Variants in PTN observed in about 807,000 individuals in gnomAD.
The protein encoded by PTN is pleiotrophin.
Under a neutral mutation model 24.1 loss-of-function variants are expected in PTN, and 18 were observed. The observed-to-expected ratio is 0.75, with a 90% CI of 0.52 to 1.11. The LOEUF (loss-of-function observed/expected upper bound fraction) is 1.11, where lower values mean the gene tolerates loss of function less well. Among genes scored for constraint, PTN ranks in the 50% least tolerant of loss-of-function variants. The probability of loss-of-function intolerance (pLI) is 0.00; values close to 1 mark genes in which losing one functional copy is unlikely to be tolerated. For synonymous variants in PTN, 78 were observed against 68.6 expected (o/e 1.14, Z -0.67); for missense variants, 163 against 198.8 (o/e 0.82, Z 1.08).
At chr7:137,253,709 C>T (rs1808869462) in intron 2 of PTN, 72 bp from the exon 3 acceptor site, 3 of 1,258,436 alleles carry the variant, frequency 2.4e-6, no homozygotes, top group East Asian at 5.5e-5. Context: ...CAAGTTCATT[C>T]CTGAGCACCT....
intron 1 of PTN, among the ~76,000 whole-genome samples, chr7:137,303,097 C>T (rs1040200138): frequency 3.3e-5 from 5 of 151,890 alleles, no homozygotes; most frequent in South Asian, 4.1e-4. Context: ...TTGTTGCTGT[C>T]GTAATGGAAT....
At chr7:137,317,880 A>C (rs759075611) in intron 1 of PTN, among the ~76,000 whole-genome samples, 7 of 152,136 alleles carry the variant, frequency 4.6e-5, no homozygotes, top group Non-Finnish European at 1.0e-4. Context: ...CAGGATGAGT[A>C]AGTACCCTGG....
chr7:137,233,494 G>T (rs1397026779), intron 4 of PTN, among the ~76,000 whole-genome samples: 1 of 151,768 alleles, frequency 6.6e-6, no homozygotes, highest in African/African-American at 2.4e-5. Context: ...TAGACGCTAG[G>T]GTATAAAGGT....
At chr7:137,335,472 CT>C (rs1810431657) in intron 1 of PTN, among the ~76,000 whole-genome samples, 1 of 152,152 alleles carries the variant, frequency 6.6e-6, no homozygotes. Flanking sequence ...GTTTTAGAAG[CT>C]TTTGCATATA....
chr7:137,248,652 C>T (rs1585011285), intron 4 of PTN, among the ~76,000 whole-genome samples: 1 of 152,202 alleles, frequency 6.6e-6, no homozygotes, highest in Non-Finnish European at 1.5e-5. Flanking sequence ...TGCCCTCCAG[C>T]ACGGGTGACA....
rs140252500 is a variant in PTN at position 137,294,578 on chromosome 7, G to T, written c.-1-39604C>A. 5.4e-3 allele frequency among the ~76,000 whole-genome samples: 825 copies of T among 152,192 alleles called. 7 individuals carry two copies. The highest frequency in any genetic ancestry group is 0.017 in the Middle Eastern group (5 of 294). On this transcript the variant is annotated intron_variant, in intron 1 of 4. Coordinates refer to ENST00000348225, the MANE Select transcript of PTN (RefSeq NM_002825.7). ...ACCAGGCCATCCCATGCCCCACCAAGAGAGTCTGGCCTGTTAGCAAGTTTC... is the reference window on the plus strand; with the variant it reads ...ACCAGGCCATCCCATGCCCCACCAATAGAGTCTGGCCTGTTAGCAAGTTTC...
At chr7:137,338,490 G>A (rs73455105) in intron 1 of PTN, among the ~76,000 whole-genome samples, 6,002 of 152,222 alleles carry the variant, frequency 0.039, 413 homozygotes, top group African/African-American at 0.14. Flanking sequence ...TAGACGTTGC[G>A]TACCATTTAG....
chr7:137,260,011 A>G (rs1274972802), intron 1 of PTN, among the ~76,000 whole-genome samples: 2 of 152,150 alleles, frequency 1.3e-5, no homozygotes, highest in African/African-American at 4.8e-5. Flanking sequence ...TAAAATAGCT[A>G]CTACTCATTA....
At chr7:137,285,374 T>C (rs912356605) in intron 1 of PTN, among the ~76,000 whole-genome samples, 7 of 152,168 alleles carry the variant, frequency 4.6e-5, no homozygotes, top group Non-Finnish European at 1.0e-4. Flanking sequence ...TTAAAGTAGT[T>C]GCTAACCTAG....
intron 1 of PTN, among the ~76,000 whole-genome samples, chr7:137,336,801 C>T (rs546752607): frequency 3.3e-5 from 5 of 152,174 alleles, no homozygotes; most frequent in Non-Finnish European, 7.3e-5. Flanking sequence ...TTTTCACCAT[C>T]CTGCTCAAAC....
At chr7:137,308,777 AG>A (rs1809930745) in intron 1 of PTN, among the ~76,000 whole-genome samples, 2 of 152,264 alleles carry the variant, frequency 1.3e-5, no homozygotes, top group Admixed American at 1.3e-4. Flanking sequence ...ACACTATTCT[AG>A]GGATTGTAAA....
chr7:137,301,560 T>C (rs1463194255), intron 1 of PTN, among the ~76,000 whole-genome samples: 28 of 118,048 alleles, frequency 2.4e-4, no homozygotes, highest in Admixed American at 2.3e-3. Flanking sequence ...AAGCGAGAAA[T>C]TGTGTATATT....
At chr7:137,231,693 T>C (rs1808429291) in intron 4 of PTN, among the ~76,000 whole-genome samples, 1 of 152,080 alleles carries the variant, frequency 6.6e-6, no homozygotes, top group South Asian at 2.1e-4. Flanking sequence ...AACCCATTAC[T>C]ATATAGAAAA....
chr7:137,279,470 A>G (rs886872324), intron 1 of PTN, among the ~76,000 whole-genome samples: 1 of 152,304 alleles, frequency 6.6e-6, no homozygotes, highest in African/African-American at 2.4e-5. Flanking sequence ...AATTTCAGAA[A>G]AGCTTCCAGA....
chr7:137,317,609 G>C (rs1403629267), intron 1 of PTN, among the ~76,000 whole-genome samples: 1 of 152,092 alleles, frequency 6.6e-6, no homozygotes, highest in Admixed American at 6.6e-5. Flanking sequence ...TACAGCATTT[G>C]TTGTATTTAT....
intron 1 of PTN, among the ~76,000 whole-genome samples, chr7:137,340,092 A>C (rs1810510593): frequency 6.6e-6 from 1 of 152,194 alleles, no homozygotes. Context: ...ATCTCAACCC[A>C]CTCTGAAAAA....
intron 1 of PTN, among the ~76,000 whole-genome samples, chr7:137,277,060 A>T (rs940752614): frequency 5.3e-5 from 8 of 152,248 alleles, no homozygotes; most frequent in Non-Finnish European, 8.8e-5. Context: ...AATGAATTTT[A>T]TCTACAACAC....
At chr7:137,254,188 C>A (rs1313034295) in intron 2 of PTN, among the ~76,000 whole-genome samples, 1 of 151,774 alleles carries the variant, frequency 6.6e-6, no homozygotes, top group Non-Finnish European at 1.5e-5. Context: ...GCCCCAGCTA[C>A]TCGGGAAGCT....
At chr7:137,331,614 G>A (rs527836721) in intron 1 of PTN, among the ~76,000 whole-genome samples, 2 of 152,282 alleles carry the variant, frequency 1.3e-5, no homozygotes, top group East Asian at 1.9e-4. Context: ...GGAGCGACAC[G>A]CATCAAAGAG....
Sources: gnomAD v4.1 joint callset for allele counts (sites outside exome capture counted in the v4.1 genomes callset) on GRCh38, gnomAD v4.1.1 for gene constraint, MANE v1.5 for transcripts, NCBI Gene and HGNC (gene_info 2026-07-23, HGNC 2026-07-21) for gene names.